The following GLI3 variants were observed in gnomAD, a reference collection of about 807,000 sequenced individuals.
The protein encoded by GLI3 is GLI family zinc finger 3.
GLI3 carries 20 observed loss-of-function variants against 100.8 expected under a neutral mutation model. That is an observed-to-expected ratio of 0.20 (90% CI 0.14 to 0.29). GLI3 has a LOEUF of 0.29. Among genes scored for constraint, GLI3 ranks in the 10% least tolerant of loss-of-function variants. GLI3 has a pLI of 1.00. For missense variants in GLI3, 2,040 were observed against 2,128.5 expected (o/e 0.96, Z 0.82); for synonymous variants, 938 against 860.5 (o/e 1.09, Z -1.58).
At chr7:42,103,423 G>C (rs928096646) in intron 3 of GLI3, among the ~76,000 whole-genome samples, 3 of 151,474 alleles carry the variant, frequency 2.0e-5, no homozygotes. Flanking sequence ...TCCAATCTCC[G>C]ATTTATACAG....
At chr7:41,968,763 G>GAAAGAAGGAAAGAAAGAAAGAAAGAAA (rs1491137662) in intron 13 of GLI3, among the ~76,000 whole-genome samples, 2 of 56,690 alleles carry the variant, frequency 3.5e-5, no homozygotes, top group African/African-American at 1.6e-4. Flanking sequence ...AAAGAAAGAA[G>GAAAGAAGGAAAGAAAGAAAGAAAGAAA]GAAAGAAAGA....
rs148933352 is a variant in GLI3 at position 42,056,114 on chromosome 7, T to C, written c.474-7418A>G. Reference sequence around the variant, plus strand: ...TGATTGTGAGGCCTCCCCAGCCACGTGGAACTGTAAGTCCATTAAACTTCT... The same window carrying C: ...TGATTGTGAGGCCTCCCCAGCCACGCGGAACTGTAAGTCCATTAAACTTCT... On this transcript the variant is annotated intron_variant, in intron 4 of 14. Coordinates refer to ENST00000395925, the MANE Select transcript of GLI3 (RefSeq NM_000168.6). Among the ~76,000 whole-genome samples the C allele has an allele frequency of 4.1e-4, 62 of 152,342 alleles. 1 individual carries two copies. The highest frequency in any genetic ancestry group is 1.3e-3 in the African/African-American group (56 of 41,582).
rs183655108 is a variant in GLI3, at chr7:42,126,610, C to A, written c.367+21616G>T. Among the ~76,000 whole-genome samples, 140 of 152,246 alleles carry A rather than the reference C, an allele frequency of 9.2e-4. 1 individual carries two copies. The highest frequency in any genetic ancestry group is 2.7e-3 in the African/African-American group (113 of 41,554). ...AATAATCTGAGTTTCCTGGAAACAA[C>A]AATCTGAGTTTCCTGGTAAGCAATG... On this transcript the variant is annotated intron_variant, in intron 3 of 14. Transcript: ENST00000395925.
rs982193042 is a variant in GLI3 at position 42,206,374 on chromosome 7, C to T, written c.124+16756G>A. On this transcript the variant is annotated intron_variant, in intron 2 of 14. Coordinates refer to ENST00000395925, the MANE Select transcript of GLI3 (RefSeq NM_000168.6). ...ATAACATAAGCAACATCTAGGTATC[C>T]GCCACACAGGTTTAATACATGTTAA... 3.3e-5 allele frequency among the ~76,000 whole-genome samples: 5 copies of T among 151,970 alleles called. No homozygotes were observed. In the South Asian group the frequency reaches 6.3e-4, roughly 19 times the overall value.
chr7:42,099,067 C>G (rs1394742177), intron 3 of GLI3, among the ~76,000 whole-genome samples: 1 of 152,116 alleles, frequency 6.6e-6, no homozygotes, highest in East Asian at 1.9e-4. Flanking sequence ...GTGGTGATAT[C>G]AAGGAGTACA....
At chr7:41,983,323 C>T (rs1787726939) in intron 10 of GLI3, among the ~76,000 whole-genome samples, 1 of 151,982 alleles carries the variant, frequency 6.6e-6, no homozygotes, top group African/African-American at 2.4e-5. Context: ...AAAGGTACCC[C>T]AACGAAGGGA....
rs764864618 is a variant in GLI3, at chr7:42,182,644, GTATATATA to G, written c.125-34184_125-34177del. Among the ~76,000 whole-genome samples, 193 of 51,674 alleles carry G rather than the reference GTATATATA, an allele frequency of 3.7e-3. 5 individuals carry two copies. The highest frequency in any genetic ancestry group is 0.019 in the East Asian group (44 of 2,282). 33.9% of individuals were successfully genotyped at this position (51,674 alleles called of 152,430 possible). ...TTTATATGCATATGTATATGTGTGT[GTATATATA>G]TATATATATATATATATATATATAT... On this transcript the variant is annotated intron_variant, in intron 2 of 14. Coordinates refer to ENST00000395925, the MANE Select transcript of GLI3 (RefSeq NM_000168.6).
intron 1 of GLI3, among the ~76,000 whole-genome samples, chr7:42,236,539 TC>T (rs1377062017): frequency 1.3e-5 from 2 of 152,006 alleles, no homozygotes; most frequent in Non-Finnish European, 2.9e-5. Context: ...GCCTCCCGCC[TC>T]CTTCCGCCCA....
At chr7:42,151,791 C>T (rs1241166746) in intron 2 of GLI3, 1 of 152,154 alleles carries the variant, frequency 6.6e-6, no homozygotes. Flanking sequence ...CAAATCCCTG[C>T]CCCCAGAGAG....
intron 10 of GLI3, among the ~76,000 whole-genome samples, chr7:42,004,137 T>A (rs1788386085): frequency 6.6e-6 from 1 of 152,160 alleles, no homozygotes; most frequent in African/African-American, 2.4e-5. Flanking sequence ...GCCCAAACAT[T>A]ATCTATGTTA....
chr7:42,117,432 A>T (rs1294375008), intron 3 of GLI3, among the ~76,000 whole-genome samples: 11 of 152,202 alleles, frequency 7.2e-5, no homozygotes, highest in Admixed American at 7.2e-4. Context: ...GACGCCTTTT[A>T]GGAACAGTTT....
At chr7:42,076,913 C>T (rs1192387797) in intron 3 of GLI3, 56 bp from the exon 4 acceptor site, 6 of 1,036,046 alleles carry the variant, frequency 5.8e-6, no homozygotes, top group East Asian at 4.7e-5. Flanking sequence ...AACAGCATTC[C>T]GATTCACAAA....
intron 10 of GLI3, among the ~76,000 whole-genome samples, chr7:42,016,321 G>A (rs747292191): frequency 1.3e-5 from 2 of 152,130 alleles, no homozygotes; most frequent in Non-Finnish European, 2.9e-5. Flanking sequence ...CTCTTGCAGT[G>A]TTTCATGAAC....
intron 4 of GLI3, among the ~76,000 whole-genome samples, chr7:42,060,499 T>C (rs1185524159): frequency 1.3e-5 from 2 of 152,188 alleles, no homozygotes; most frequent in African/African-American, 4.8e-5. Context: ...AGCAACTTCA[T>C]TGCCATGAAG....
In GLI3 at chr7:42,038,995, G is replaced by A. The variant is rs144849737; in HGVS notation, c.1028+1043C>T. 2.4e-3 allele frequency among the ~76,000 whole-genome samples: 367 copies of A among 152,224 alleles called. 1 individual carries two copies. The highest frequency in any genetic ancestry group is 8.3e-3 in the African/African-American group (344 of 41,542). ...AAAACAAAGGCTAGTGAAAACATCC[G>A]TTAGTATGTACTTTTCAAGCAAGGA... On this transcript the variant is annotated intron_variant, in intron 7 of 14. Coordinates refer to ENST00000395925, the MANE Select transcript of GLI3 (RefSeq NM_000168.6).
At chr7:42,152,840 T>C (rs564504721) in intron 2 of GLI3, among the ~76,000 whole-genome samples, 2 of 152,280 alleles carry the variant, frequency 1.3e-5, no homozygotes, top group Admixed American at 1.3e-4. Context: ...ACTAGCAGGA[T>C]TGTACAGGAA....
intron 1 of GLI3, among the ~76,000 whole-genome samples, chr7:42,261,364 G>A (rs1401103766): frequency 6.6e-6 from 1 of 151,988 alleles, no homozygotes; most frequent in Non-Finnish European, 1.5e-5. Flanking sequence ...CTCTCACTAG[G>A]CCTCACCTCC....
At chr7:42,207,176 A>G (rs568176221) in intron 2 of GLI3, among the ~76,000 whole-genome samples, 9 of 152,328 alleles carry the variant, frequency 5.9e-5, no homozygotes, top group African/African-American at 2.2e-4. Context: ...TTTATGCCCA[A>G]TAGAAATGTG....
At chr7:42,107,859 T>C (rs1278034555) in intron 3 of GLI3, among the ~76,000 whole-genome samples, 1 of 152,226 alleles carries the variant, frequency 6.6e-6, no homozygotes. Flanking sequence ...TTTACTGTTG[T>C]TGTTGTTTTA....
Sources: gnomAD v4.1 joint callset for allele counts (sites outside exome capture counted in the v4.1 genomes callset) on GRCh38, gnomAD v4.1.1 for gene constraint, MANE v1.5 for transcripts, NCBI Gene and HGNC (gene_info 2026-07-23, HGNC 2026-07-21) for gene names.